CDHR3: variants seen among roughly 807,000 people sequenced by gnomAD.
The protein encoded by CDHR3 is cadherin related family member 3.
Under a neutral mutation model 86.6 loss-of-function variants are expected in CDHR3, and 79 were observed. The ratio of observed to expected loss-of-function variants is 0.91; its 90% confidence interval spans 0.76 to 1.10. The LOEUF (loss-of-function observed/expected upper bound fraction) is 1.10, where lower values mean the gene tolerates loss of function less well. Among genes scored for constraint, CDHR3 ranks in the 50% least tolerant of loss-of-function variants. The pLI, the probability that CDHR3 is intolerant of heterozygous loss-of-function variation, is 0.00. For missense variants in CDHR3, 1,081 were observed against 1,077.6 expected, an observed-to-expected ratio of 1.00 and a Z score of -0.04; for synonymous variants, 421 against 402.4, an observed-to-expected ratio of 1.05 and a Z score of -0.55.
chr7:105,990,833 C>T (rs544318272), intron 4 of CDHR3, among the ~76,000 whole-genome samples: 98 of 152,208 alleles, frequency 6.4e-4, no homozygotes, highest in Non-Finnish European at 1.3e-3. Flanking sequence ...CCTCGTACCC[C>T]AGGGAGCTGA....
chr7:105,967,405 A>G (rs1271389546), intron 1 of CDHR3, among the ~76,000 whole-genome samples: 1 of 152,202 alleles, frequency 6.6e-6, no homozygotes, highest in Non-Finnish European at 1.5e-5. Context: ...GAATAGTGCC[A>G]CAATAAACAT....
Position 106,000,609 on chromosome 7 carries a change from T to C in CDHR3, c.714-853T>C, listed in dbSNP as rs1438638223. 4.6e-5 allele frequency among the ~76,000 whole-genome samples: 7 copies of C among 152,192 alleles called. No individual in the cohort carries two copies. The South Asian group carries it at 1.0e-3, about 22-fold the overall frequency. On this transcript the variant is annotated intron_variant, in intron 6 of 18. Transcript: ENST00000317716. ...ATTTTCCCTCAGCAAAAGGACTTCC[T>C]GCAGAGTTGTTTTAAACAATAAGCC...
intron 17 of CDHR3, among the ~76,000 whole-genome samples, chr7:106,028,934 TTC>T (rs775453258): frequency 0.022 from 2,449 of 111,840 alleles, 41 homozygotes; most frequent in Non-Finnish European, 0.029. Flanking sequence ...CTTTCTTTCT[TTC>T]TTTCTTTCTT....
intron 4 of CDHR3, among the ~76,000 whole-genome samples, chr7:105,990,231 T>C (rs914023650): frequency 1.3e-5 from 2 of 152,234 alleles, no homozygotes; most frequent in Non-Finnish European, 2.9e-5. Flanking sequence ...ACATTAATAA[T>C]AGCATTTTGC....
Position 106,013,019 on chromosome 7 carries a change from T to A in CDHR3, c.1212T>A (p.Ser404=), listed in dbSNP as rs1300565371. Residue 404 remains serine, a synonymous_variant, in exon 9 of 19, where the codon TCT becomes TCA. Transcript: ENST00000317716. ...GSRFLQDPAG[S]GKIVLIGDLD... ...GATTTTTACAGGATCCAGCTGGCTC[T>A]GGGAAGATTGTGGTCAGTTAATGGT... 8 of 1,603,632 alleles carry A rather than the reference T, an allele frequency of 5.0e-6. No homozygotes were observed. The highest frequency in any genetic ancestry group is 6.8e-6 in the Non-Finnish European group (8 of 1,175,666).
chr7:105,987,874 C>T (rs981811545), intron 4 of CDHR3, among the ~76,000 whole-genome samples: 15 of 152,124 alleles, frequency 9.9e-5, no homozygotes, highest in African/African-American at 1.9e-4. Flanking sequence ...TTATTCTGGA[C>T]GAAAAGGCTG....
intron 1 of CDHR3, among the ~76,000 whole-genome samples, chr7:105,969,540 G>A (rs1159134171): frequency 6.6e-6 from 1 of 152,160 alleles, no homozygotes; most frequent in Non-Finnish European, 1.5e-5. Context: ...AGGACCTTCT[G>A]TGGGTTCTGC....
At chr7:106,011,989 A>C (rs1834880416) in intron 8 of CDHR3, among the ~76,000 whole-genome samples, 1 of 152,224 alleles carries the variant, frequency 6.6e-6, no homozygotes. Context: ...TCAATCTTCA[A>C]AGCATGGGAA....
In CDHR3 at chr7:106,022,196, A is replaced by C; in HGVS notation, c.1826-2A>C. On this transcript the variant is annotated splice_acceptor_variant, in intron 13 of 18. Transcript: ENST00000317716. LOFTEE classifies it high-confidence loss of function. ...AACACCCCTGCATCAAATCTCATTT[A>C]GGTAACGTCAACAATCATTTCACCT... 6.2e-7 allele frequency: 1 copy of C among 1,613,942 alleles called. No homozygotes were observed. The highest frequency in any genetic ancestry group is 8.5e-7 in the Non-Finnish European group (1 of 1,179,828).
chr7:106,020,316 C>G, intron 12 of CDHR3, 57 bp from the exon 13 acceptor site: 1 of 1,449,056 alleles, frequency 6.9e-7, no homozygotes, highest in Non-Finnish European at 9.4e-7. Flanking sequence ...TGCCTACACA[C>G]AGTAAGCACT....
intron 6 of CDHR3, among the ~76,000 whole-genome samples, chr7:105,997,852 A>G (rs531069572): frequency 6.6e-6 from 1 of 152,274 alleles, no homozygotes; most frequent in Admixed American, 6.5e-5. Context: ...CCCAGAGGTC[A>G]GCCTGGAACT....
chr7:105,968,793 A>C (rs1827388925), intron 1 of CDHR3, among the ~76,000 whole-genome samples: 1 of 152,196 alleles, frequency 6.6e-6, no homozygotes, highest in Non-Finnish European at 1.5e-5. Context: ...CATGCTGATT[A>C]ATAGTGTTGC....
At chr7:106,026,596 T>C in intron 15 of CDHR3, 86 bp from the exon 16 acceptor site, 1 of 1,406,784 alleles carries the variant, frequency 7.1e-7, no homozygotes, top group African/African-American at 1.4e-5. Flanking sequence ...AAGGGCATAG[T>C]TGCCCAAAGA....
chr7:106,018,357 C>G (rs973963194), intron 12 of CDHR3, among the ~76,000 whole-genome samples: 1 of 152,188 alleles, frequency 6.6e-6, no homozygotes, highest in Non-Finnish European at 1.5e-5. Flanking sequence ...GTGCCTCAGC[C>G]TCTCAAGTAG....
rs1449022860 is a variant in CDHR3, at chr7:106,020,405, A to G, written c.1686A>G (p.Glu562=). 5 of 1,613,624 alleles carry G rather than the reference A, an allele frequency of 3.1e-6. No individual in the cohort carries two copies. The highest frequency in any genetic ancestry group is 4.2e-6 in the Non-Finnish European group (5 of 1,179,694). ...VTVNILEEND[E]KPICTPNSYF... is the part of the protein sequence containing the mutation. ...TGAACATCCTTGAAGAAAATGATGAAAAGCCAATTTGTACTCCAAACTCTT... is the reference window on the plus strand; with the variant it reads ...TGAACATCCTTGAAGAAAATGATGAGAAGCCAATTTGTACTCCAAACTCTT... Residue 562 remains glutamate, a synonymous_variant, in exon 13 of 19, where the codon GAA becomes GAG. Transcript: ENST00000317716.
chr7:105,964,632 TA>T (rs1157497800), intron 1 of CDHR3, among the ~76,000 whole-genome samples: 1 of 151,992 alleles, frequency 6.6e-6, no homozygotes, highest in African/African-American at 2.4e-5. Context: ...TTACAGTATT[TA>T]TTTCTAAATA....
intron 6 of CDHR3, among the ~76,000 whole-genome samples, chr7:105,997,055 T>G (rs966055594): frequency 6.6e-6 from 1 of 152,186 alleles, no homozygotes; most frequent in Non-Finnish European, 1.5e-5. Flanking sequence ...ACAGAGCCTC[T>G]GCCTGCCCCA....
At chr7:105,982,965 A>G (rs1486269982) in intron 3 of CDHR3, among the ~76,000 whole-genome samples, 1 of 144,552 alleles carries the variant, frequency 6.9e-6, no homozygotes, top group Non-Finnish European at 1.5e-5. Flanking sequence ...CCTGGGTTAC[A>G]AAGCAAGACC....
Position 106,032,627 on chromosome 7 carries a change from TG to T in CDHR3, c.2591del (p.Gly864AlafsTer11). ...GLGSRNEGGK[L>X]GNPKNRNPAF... Reference sequence around the variant, plus strand: ...GGTTCCAGAAATGAGGGTGGCAAGCTGGGCAACCCAAAGAACAGAAATCCAG... The same window carrying T: ...GGTTCCAGAAATGAGGGTGGCAAGCTGGCAACCCAAAGAACAGAAATCCAG... On this transcript the variant is annotated frameshift_variant, in exon 19 of 19. Coordinates refer to ENST00000317716, the MANE Select transcript of CDHR3 (RefSeq NM_152750.5). LOFTEE classifies it high-confidence loss of function. 1 of 1,613,864 alleles carries T rather than the reference TG, an allele frequency of 6.2e-7. No individual in the cohort carries two copies. Among genetic ancestry groups the T allele is most frequent in the Non-Finnish European group, 8.5e-7 (1 of 1,179,844 alleles).
Sources: gnomAD v4.1 joint callset for allele counts (sites outside exome capture counted in the v4.1 genomes callset) on GRCh38, gnomAD v4.1.1 for gene constraint, MANE v1.5 for transcripts, NCBI Gene and HGNC (gene_info 2026-07-23, HGNC 2026-07-21) for gene names.